Variants in VPS13A observed in about 807,000 individuals in gnomAD.
VPS13A encodes the protein vacuolar protein sorting 13 homolog A.
A neutral mutation model predicts 390.9 loss-of-function variants in VPS13A; 264 were observed. The ratio of observed to expected loss-of-function variants is 0.68; its 90% confidence interval spans 0.61 to 0.75. The LOEUF is 0.75. Ranked by LOEUF, VPS13A falls within the 30% of genes least tolerant of loss-of-function variation. The pLI is 0.00. For missense variants in VPS13A, 3,409 were observed against 3,733.9 expected, an observed-to-expected ratio of 0.91 and a Z score of 2.27; for synonymous variants, 1,231 against 1,227.1, an observed-to-expected ratio of 1.00 and a Z score of -0.07.
chr9:77,412,350 T>A (rs761729923), intron 71 of VPS13A, among the ~76,000 whole-genome samples: 1 of 152,090 alleles, frequency 6.6e-6, no homozygotes. Context: ...CCTCAATAAA[T>A]TACTGGCAAA....
At chr9:77,278,606 C>T (rs771459997) in intron 26 of VPS13A, among the ~76,000 whole-genome samples, 4 of 152,094 alleles carry the variant, frequency 2.6e-5, no homozygotes, top group Non-Finnish European at 2.9e-5. Context: ...TTTTTTAAGG[C>T]TTCAAGTGTG....
chr9:77,191,019 A>G (rs1338011033), intron 1 of VPS13A, among the ~76,000 whole-genome samples: 4 of 151,022 alleles, frequency 2.6e-5, no homozygotes, highest in Non-Finnish European at 5.9e-5. Context: ...TCTTTCAAGG[A>G]ACCATCTTTT....
chr9:77,251,232 T>C (rs1825131884), intron 21 of VPS13A, among the ~76,000 whole-genome samples: 1 of 152,232 alleles, frequency 6.6e-6, no homozygotes, highest in African/African-American at 2.4e-5. Context: ...CCACAAATTC[T>C]TTTTCAGGGA....
intron 23 of VPS13A, among the ~76,000 whole-genome samples, chr9:77,265,383 C>G (rs1223594626): frequency 6.6e-6 from 1 of 152,184 alleles, no homozygotes; most frequent in Non-Finnish European, 1.5e-5. Context: ...ACCACCTCCT[C>G]TTTGTGCCTC....
intron 46 of VPS13A, among the ~76,000 whole-genome samples, chr9:77,335,707 A>T (rs1192828780): frequency 6.6e-6 from 1 of 152,156 alleles, no homozygotes; most frequent in East Asian, 1.9e-4. Context: ...GACACAACAG[A>T]TGTTGGAGAG....
chr9:77,381,857 T>C, intron 67 of VPS13A, 119 bp from the exon 68 acceptor site: 1 of 684,002 alleles, frequency 1.5e-6, no homozygotes, highest in Non-Finnish European at 2.5e-6. Context: ...AATTTAAAAT[T>C]AGAGAATGTT....
chr9:77,300,224 T>G (rs2131387063), intron 33 of VPS13A, among the ~76,000 whole-genome samples: 1 of 152,314 alleles, frequency 6.6e-6, no homozygotes, highest in Admixed American at 6.5e-5. Flanking sequence ...AATCTGCCTT[T>G]TGTTAGAAAT....
rs1258822734 is a variant in VPS13A at position 77,339,500 on chromosome 9, T to G, written c.6379-16T>G. ...ACATTTTAAATTTTGTTTTGTTTTT[T>G]TTTTTTTTATTACAGGGAATTGAAA... On this transcript the variant is annotated splice_polypyrimidine_tract_variant and intron_variant, in intron 47 of 71. Coordinates refer to ENST00000360280, the MANE Select transcript of VPS13A (RefSeq NM_033305.3). The G allele has an allele frequency of 1.3e-6, 2 of 1,524,176 alleles. 1 individual carries two copies. The highest frequency in any genetic ancestry group is 4.4e-5 in the Admixed American group (2 of 45,470). 94.4% of individuals were successfully genotyped at this position (1,524,176 alleles called of 1,614,324 possible). A position where few individuals can be genotyped will look rare whatever the true frequency, so the allele number is the denominator to read the frequency against.
intron 23 of VPS13A, among the ~76,000 whole-genome samples, chr9:77,269,730 A>G (rs188071547): frequency 2.1e-4 from 32 of 152,300 alleles, no homozygotes; most frequent in Admixed American, 1.9e-3. Context: ...TTGCTAATAT[A>G]TGTTGTTAAA....
chr9:77,403,334 C>CTTTCTCTTACGTAATTTTAT lies in VPS13A; in HGVS notation c.9275+14_9275+33dup, dbSNP rs1333267619. ...TGATAACCAGACGGTAACTTGCTTT[C>CTTTCTCTTACGTAATTTTAT]TTTCTCTTACGTAATTTTATAAGGG... On this transcript the variant is annotated intron_variant, in intron 69 of 71. Coordinates refer to ENST00000360280, the MANE Select transcript of VPS13A (RefSeq NM_033305.3). The CTTTCTCTTACGTAATTTTAT allele has an allele frequency of 6.3e-7, 1 of 1,599,576 alleles. No individual in the cohort carries two copies. The highest frequency in any genetic ancestry group is 1.7e-5 in the Admixed American group (1 of 59,954).
intron 3 of VPS13A, 30 bp downstream of exon 3, chr9:77,201,437 C>T (rs1259264358): frequency 6.4e-7 from 1 of 1,560,630 alleles, no homozygotes; most frequent in South Asian, 1.1e-5. Flanking sequence ...GGGATATCCT[C>T]CTTCCTGGAC....
At chr9:77,306,401 A>AGAGAGTGTGTGTGT (rs550279922) in intron 34 of VPS13A, among the ~76,000 whole-genome samples, 2 of 107,696 alleles carry the variant, frequency 1.9e-5, no homozygotes, top group African/African-American at 7.0e-5. Flanking sequence ...AGAGAGAGAG[A>AGAGAGTGTGTGTGT]GTGTGTGTGT....
At chr9:77,379,703 A>G (rs769209960) in intron 67 of VPS13A, among the ~76,000 whole-genome samples, 2 of 152,188 alleles carry the variant, frequency 1.3e-5, no homozygotes, top group African/African-American at 2.4e-5. Flanking sequence ...TTTACATTCA[A>G]TGTTAGCCAA....
chr9:77,178,146 T>C, intron 1 of VPS13A: 2 of 292,404 alleles, frequency 6.8e-6, no homozygotes, highest in East Asian at 1.0e-4. Context: ...GGTCCGGCTT[T>C]AGCCGCGCGG....
Position 77,381,965 on chromosome 9 carries a change from T to A in VPS13A, c.9078-11T>A. 6.4e-7 allele frequency: 1 copy of A among 1,564,284 alleles called. No homozygotes were observed. Among genetic ancestry groups the A allele is most frequent in the East Asian group, 2.3e-5 (1 of 44,246 alleles). On this transcript the variant is annotated splice_polypyrimidine_tract_variant and intron_variant, in intron 67 of 71. Coordinates refer to ENST00000360280, the MANE Select transcript of VPS13A (RefSeq NM_033305.3). ...AATTTTTAAAATAAAGTTATATTTT[T>A]TTTCCTCTAGAGCTACAGAGACTTC...
chr9:77,221,508 A>G (rs1357358409), intron 13 of VPS13A, 152 bp downstream of exon 13: 3 of 802,762 alleles, frequency 3.7e-6, no homozygotes, highest in Non-Finnish European at 5.8e-6. Flanking sequence ...TCTTAACTTC[A>G]GCTGAATAAT....
intron 45 of VPS13A, among the ~76,000 whole-genome samples, chr9:77,327,197 T>G (rs879273815): frequency 2.4e-4 from 36 of 152,208 alleles, no homozygotes; most frequent in African/African-American, 8.4e-4. Flanking sequence ...TTTTTCTTCC[T>G]GCTTTTTAGT....
chr9:77,262,448 T>C (rs1015273441), intron 23 of VPS13A, among the ~76,000 whole-genome samples: 4 of 152,168 alleles, frequency 2.6e-5, no homozygotes, highest in Admixed American at 6.5e-5. Context: ...TTTTTTATTA[T>C]TATATTTTAA....
At chr9:77,223,927 G>T (rs1014624372) in intron 13 of VPS13A, among the ~76,000 whole-genome samples, 38 of 152,230 alleles carry the variant, frequency 2.5e-4, no homozygotes, top group Admixed American at 2.4e-3. Flanking sequence ...CAAAGGACAG[G>T]CTGACTCTCT....
Sources: gnomAD v4.1 joint callset for allele counts (sites outside exome capture counted in the v4.1 genomes callset) on GRCh38, gnomAD v4.1.1 for gene constraint, MANE v1.5 for transcripts, NCBI Gene and HGNC (gene_info 2026-07-23, HGNC 2026-07-21) for gene names.